Variants in RTN4 observed in about 807,000 individuals in gnomAD.
The protein encoded by RTN4 is reticulon 4.
Under a neutral mutation model 90.4 loss-of-function variants are expected in RTN4, and 32 were observed. The observed-to-expected ratio is 0.35, with a 90% CI of 0.27 to 0.48. The LOEUF is 0.48. Ranked by LOEUF, RTN4 falls within the 20% of genes least tolerant of loss-of-function variation. RTN4 has a pLI of 0.99. For missense variants in RTN4, 1,706 were observed against 1,430.2 expected (o/e 1.19, Z -3.11); for synonymous variants, 629 against 552.5 (o/e 1.14, Z -1.94).
intron 3 of RTN4, among the ~76,000 whole-genome samples, chr2:54,998,802 G>T (rs1025698116): frequency 6.6e-6 from 1 of 152,052 alleles, no homozygotes; most frequent in Non-Finnish European, 1.5e-5. Flanking sequence ...TGCTAATTTT[G>T]GATTCCTCAG....
At chr2:55,038,544 G>A (rs373342681) in intron 1 of RTN4, among the ~76,000 whole-genome samples, 4 of 152,070 alleles carry the variant, frequency 2.6e-5, no homozygotes, top group African/African-American at 9.7e-5. Context: ...TAGTCCCTAG[G>A]GAAATCTAGA....
chr2:54,999,171 A>G (rs545793510), intron 3 of RTN4, among the ~76,000 whole-genome samples: 102 of 152,308 alleles, frequency 6.7e-4, no homozygotes, highest in Non-Finnish European at 1.2e-3. Context: ...AAATGTGAAA[A>G]ATGACTGTGT....
At chr2:55,002,053 A>G (rs1223647720) in intron 3 of RTN4, among the ~76,000 whole-genome samples, 2 of 151,576 alleles carry the variant, frequency 1.3e-5, no homozygotes, top group Non-Finnish European at 2.9e-5. Context: ...ATCTTATTTT[A>G]TTTATTTATT....
upstream of RTN4, among the ~76,000 whole-genome samples, chr2:55,117,166 A>G (rs564725309): frequency 6.6e-6 from 1 of 152,132 alleles, no homozygotes; most frequent in East Asian, 1.9e-4. Flanking sequence ...GAGCCACCGC[A>G]CCCGGCCAGA....
intron 5 of RTN4, among the ~76,000 whole-genome samples, chr2:54,980,349 C>T (rs541390074): frequency 9.2e-5 from 14 of 152,262 alleles, no homozygotes; most frequent in African/African-American, 3.1e-4. Flanking sequence ...TGCCCCGTAT[C>T]TACACAATGG....
Position 55,026,417 on chromosome 2 carries a change from C to T in RTN4, c.1682G>A (p.Ser561Asn). 3.1e-6 allele frequency: 5 copies of T among 1,613,922 alleles called. No homozygotes were observed. Among genetic ancestry groups the T allele is most frequent in the Non-Finnish European group, 4.2e-6 (5 of 1,179,904 alleles). ...TPDLVQEACE[S>N]ELNEVTGTKI... is the part of the protein sequence containing the mutation. ...TGTACCAGTAACTTCATTCAATTCA[C>T]TTTCACATGCTTCCTGTACTAAATC... The change falls in exon 3 of 9, where the codon AGT (serine) becomes AAT (asparagine). Residue 561 changes from serine (S) to asparagine (N), a missense_variant. Transcript: ENST00000337526.
intron 2 of RTN4, among the ~76,000 whole-genome samples, chr2:55,067,635 G>A (rs1327837612): frequency 1.3e-5 from 2 of 151,936 alleles, no homozygotes; most frequent in African/African-American, 4.8e-5. Flanking sequence ...GGCTGATCTT[G>A]AACTCCTGAC....
At chr2:55,064,680 T>A (rs1240933594) in intron 2 of RTN4, among the ~76,000 whole-genome samples, 1 of 152,164 alleles carries the variant, frequency 6.6e-6, no homozygotes, top group African/African-American at 2.4e-5. Flanking sequence ...CATTAAAGAA[T>A]ATGTTGGATT....
At chr2:55,004,636 T>C (rs1680077973) in intron 3 of RTN4, among the ~76,000 whole-genome samples, 1 of 152,150 alleles carries the variant, frequency 6.6e-6, no homozygotes, top group African/African-American at 2.4e-5. Flanking sequence ...AAAATTTATG[T>C]GGGTTTAAGG....
chr2:55,115,794 C>T (rs1668113979), upstream of RTN4, among the ~76,000 whole-genome samples: 2 of 152,190 alleles, frequency 1.3e-5, no homozygotes, highest in Admixed American at 6.5e-5. Flanking sequence ...GTATATCTGG[C>T]TCAAAGTTAA....
chr2:55,120,221 G>A, the RTN4 span, among the ~76,000 whole-genome samples: 2 of 152,212 alleles, frequency 1.3e-5, no homozygotes, highest in East Asian at 1.9e-4. Flanking sequence ...TGCTGAGGCC[G>A]AAGGAAGCAA....
chr2:54,985,145 G>T (rs1307048052), intron 4 of RTN4, among the ~76,000 whole-genome samples: 3 of 133,056 alleles, frequency 2.3e-5, no homozygotes, highest in East Asian at 2.2e-4. Context: ...ATAATAATAT[G>T]ACTCGGCCTT....
intron 5 of RTN4, among the ~76,000 whole-genome samples, chr2:54,978,801 G>C (rs1419737298): frequency 2.0e-5 from 3 of 152,054 alleles, no homozygotes; most frequent in African/African-American, 4.8e-5. Context: ...ATCTCAACTG[G>C]AGAGACTGGA....
chr2:55,128,071 G>A, the RTN4 span, among the ~76,000 whole-genome samples: 2 of 151,966 alleles, frequency 1.3e-5, no homozygotes, highest in African/African-American at 2.4e-5. Flanking sequence ...ATCTTCCCTT[G>A]TTGCCCAGGC....
intron 1 of RTN4, among the ~76,000 whole-genome samples, chr2:55,036,599 CAAAAAAA>C (rs71410411): frequency 2.7e-5 from 2 of 72,988 alleles, no homozygotes; most frequent in South Asian, 4.8e-4. Context: ...AAGACTGTCT[CAAAAAAA>C]AAAAAAAAAA....
At chr2:55,032,583 GATTT>G (rs934164042) in intron 1 of RTN4, among the ~76,000 whole-genome samples, 2 of 151,920 alleles carry the variant, frequency 1.3e-5, no homozygotes, top group African/African-American at 2.4e-5. Flanking sequence ...CAGAAAAAAA[GATTT>G]ATTGATAAAC....
At chr2:55,041,491 G>C (rs1317717647) in intron 1 of RTN4, among the ~76,000 whole-genome samples, 1 of 151,982 alleles carries the variant, frequency 6.6e-6, no homozygotes, top group Non-Finnish European at 1.5e-5. Flanking sequence ...AAAAATTATA[G>C]CACAACAGTC....
At chr2:55,021,973 T>C (rs1681475465) in intron 3 of RTN4, among the ~76,000 whole-genome samples, 1 of 152,184 alleles carries the variant, frequency 6.6e-6, no homozygotes, top group African/African-American at 2.4e-5. Context: ...GATAAACATA[T>C]TCTAAAAGAG....
At position 54,974,728 on chromosome 2, in the gene RTN4, C is replaced by T. The variant is rs1677472695; in HGVS notation, c.3397G>A (p.Ala1133Thr). ...VLMWVFTYVG[A>T]LFNGLTLLIL... ...AGTAGTGTCAGACCATTAAACAAGGCACCAACATAGGTAAATACCCACATC... is the reference window on the plus strand; with the variant it reads ...AGTAGTGTCAGACCATTAAACAAGGTACCAACATAGGTAAATACCCACATC... The change falls in exon 6 of 9, where the codon GCC becomes ACC. Residue 1133 changes from alanine to threonine, a missense_variant. Ala to Thr is a moderately conservative substitution (Grantham distance 58, BLOSUM62 0). Transcript: ENST00000337526. The T allele has an allele frequency of 2.5e-6, 4 of 1,613,972 alleles. No homozygotes were observed. Among genetic ancestry groups the T allele is most frequent in the Non-Finnish European group, 3.4e-6 (4 of 1,179,856 alleles).
Sources: gnomAD v4.1 joint callset for allele counts (sites outside exome capture counted in the v4.1 genomes callset) on GRCh38, gnomAD v4.1.1 for gene constraint, MANE v1.5 for transcripts, NCBI Gene and HGNC (gene_info 2026-07-23, HGNC 2026-07-21) for gene names.